CNTNAP4: variants seen among roughly 807,000 people sequenced by gnomAD.
CNTNAP4 encodes the protein contactin associated protein family member 4.
In CNTNAP4, 98 loss-of-function variants were observed where a neutral mutation model predicts 148.4. The observed-to-expected ratio is 0.66, with a 90% CI of 0.56 to 0.78. CNTNAP4 has a LOEUF of 0.78. Ranked by LOEUF, CNTNAP4 falls within the 30% of genes least tolerant of loss-of-function variation. CNTNAP4 has a pLI of 0.00. For synonymous variants in CNTNAP4, 730 were observed against 565.1 expected, an observed-to-expected ratio of 1.29 and a Z score of -4.14; for missense variants, 1,935 against 1,565.6, an observed-to-expected ratio of 1.24 and a Z score of -3.98.
In CNTNAP4 at chr16:76,488,248, G is replaced by A. The variant is rs77210724; in HGVS notation, c.1883-1438G>A. The stretch of plus-strand genomic sequence containing the variant: ...AGGGCACAAGATCCATGCCAGATCT[G>A]CAACTCAGATCTCTTAATTGACTTC... On this transcript the variant is annotated intron_variant, in intron 12 of 23. Transcript: ENST00000611870. 1.7e-3 allele frequency among the ~76,000 whole-genome samples: 266 copies of A among 152,230 alleles called. 4 individuals carry two copies. The East Asian group carries it at 0.048, about 27-fold the overall frequency.
At chr16:76,285,127 G>C (rs913747967) in intron 1 of CNTNAP4, among the ~76,000 whole-genome samples, 7 of 151,948 alleles carry the variant, frequency 4.6e-5, no homozygotes, top group African/African-American at 1.7e-4. Flanking sequence ...TGGAACATTG[G>C]TATTTGGAAG....
At chr16:76,417,118 T>A (rs1387645790) in intron 3 of CNTNAP4, among the ~76,000 whole-genome samples, 1 of 151,466 alleles carries the variant, frequency 6.6e-6, no homozygotes, top group African/African-American at 2.4e-5. Context: ...AATGTGGATT[T>A]CTTGTAGACA....
intron 3 of CNTNAP4, among the ~76,000 whole-genome samples, chr16:76,361,143 A>G (rs2013388668): frequency 6.6e-6 from 1 of 151,874 alleles, no homozygotes; most frequent in Non-Finnish European, 1.5e-5. Context: ...AATTGTGTTA[A>G]AAAAAAACTT....
At chr16:76,454,894 T>A (rs1247596792) in intron 8 of CNTNAP4, among the ~76,000 whole-genome samples, 1 of 152,190 alleles carries the variant, frequency 6.6e-6, no homozygotes, top group Non-Finnish European at 1.5e-5. Context: ...ATTTTACAAA[T>A]CTTATATGTT....
At chr16:76,540,009 G>A (rs943646427) in intron 20 of CNTNAP4, among the ~76,000 whole-genome samples, 157 bp downstream of exon 20, 2 of 152,042 alleles carry the variant, frequency 1.3e-5, no homozygotes, top group African/African-American at 4.8e-5. Flanking sequence ...ATTCTTTTAA[G>A]CAATAAGATT....
intron 3 of CNTNAP4, among the ~76,000 whole-genome samples, chr16:76,417,708 G>A (rs762667308): frequency 6.6e-6 from 1 of 151,430 alleles, no homozygotes; most frequent in Non-Finnish European, 1.5e-5. Context: ...CTTTCTCAAT[G>A]TAGATCCAGA....
At chr16:76,558,412 T>A in intron 23 of CNTNAP4, 78 bp from the exon 24 acceptor site, 1 of 772,790 alleles carries the variant, frequency 1.3e-6, no homozygotes, top group Non-Finnish European at 2.1e-6. Flanking sequence ...AGTGTTATGA[T>A]GACTTATTAA....
At chr16:76,527,990 T>C (rs2083812955) in intron 17 of CNTNAP4, among the ~76,000 whole-genome samples, 1 of 152,164 alleles carries the variant, frequency 6.6e-6, no homozygotes, top group Non-Finnish European at 1.5e-5. Flanking sequence ...GTAGTTTTGT[T>C]AAAAATGTAC....
intron 4 of CNTNAP4, among the ~76,000 whole-genome samples, chr16:76,432,744 T>A (rs1386972153): frequency 6.6e-6 from 1 of 152,222 alleles, no homozygotes; most frequent in African/African-American, 2.4e-5. Flanking sequence ...TTGTCCTTAG[T>A]GTAAATTCTA....
chr16:76,534,729 A>T (rs897566295), intron 17 of CNTNAP4, among the ~76,000 whole-genome samples: 1 of 152,150 alleles, frequency 6.6e-6, no homozygotes, highest in Non-Finnish European at 1.5e-5. Flanking sequence ...GGAGCAAGCT[A>T]CCGAGTCTAT....
intron 15 of CNTNAP4, among the ~76,000 whole-genome samples, chr16:76,515,192 G>T (rs2083198476): frequency 6.6e-6 from 1 of 152,114 alleles, no homozygotes; most frequent in South Asian, 2.1e-4. Flanking sequence ...CCACCTATCT[G>T]AGAAAGGACT....
chr16:76,439,890 C>G (rs2079970420), intron 4 of CNTNAP4, among the ~76,000 whole-genome samples: 2 of 152,106 alleles, frequency 1.3e-5, no homozygotes. Flanking sequence ...AGTACTTGGT[C>G]TCTCTTCTCC....
chr16:76,435,345 G>C (rs939591554), intron 4 of CNTNAP4, among the ~76,000 whole-genome samples: 3 of 152,128 alleles, frequency 2.0e-5, no homozygotes, highest in African/African-American at 7.2e-5. Context: ...GCCAATGCCA[G>C]AGCTCTATAC....
At chr16:76,551,360 A>C (rs887220411) in intron 21 of CNTNAP4, among the ~76,000 whole-genome samples, 1 of 151,066 alleles carries the variant, frequency 6.6e-6, no homozygotes, top group Non-Finnish European at 1.5e-5. Flanking sequence ...ATCGTGCCAC[A>C]TCACTCCAGC....
intron 8 of CNTNAP4, among the ~76,000 whole-genome samples, chr16:76,460,228 C>T (rs1305713759): frequency 2.0e-5 from 3 of 152,010 alleles, no homozygotes; most frequent in Non-Finnish European, 4.4e-5. Flanking sequence ...CTGCCTCAGC[C>T]TCCCCAGTAG....
Position 76,407,677 on chromosome 16 carries a change from T to C in CNTNAP4, c.391-19775T>C, listed in dbSNP as rs371831080. Among the ~76,000 whole-genome samples the C allele has an allele frequency of 1.3e-3, 198 of 152,222 alleles. 1 individual carries two copies. Among genetic ancestry groups the C allele is most frequent in the African/African-American group, 4.2e-3 (173 of 41,548 alleles). ...TTAATGGATGAGGAGTTGCTTCTTA[T>C]GAATGAGAGAAGAAAGTGGTTTCTT... On this transcript the variant is annotated intron_variant, in intron 3 of 23. Coordinates refer to ENST00000611870, the MANE Select transcript of CNTNAP4 (RefSeq NM_033401.5).
intron 4 of CNTNAP4, among the ~76,000 whole-genome samples, chr16:76,447,023 A>G (rs2080272876): frequency 6.6e-6 from 1 of 152,178 alleles, no homozygotes; most frequent in Admixed American, 6.5e-5. Flanking sequence ...AATATGAGAA[A>G]AAGGCCAGGC....
chr16:76,537,906 A>G (rs2084279890), intron 18 of CNTNAP4, among the ~76,000 whole-genome samples: 1 of 152,142 alleles, frequency 6.6e-6, no homozygotes, highest in Non-Finnish European at 1.5e-5. Flanking sequence ...AAATTATACT[A>G]GTGCATTAAT....
At chr16:76,371,066 T>A (rs547318894) in intron 3 of CNTNAP4, among the ~76,000 whole-genome samples, 87 of 152,290 alleles carry the variant, frequency 5.7e-4, no homozygotes, top group African/African-American at 2.0e-3. Context: ...CGACACTGAG[T>A]AAGTAGAGTG....
Sources: allele counts gnomAD v4.1 joint callset (sites outside exome capture counted in the v4.1 genomes callset), GRCh38; gene constraint gnomAD v4.1.1; transcripts MANE v1.5; gene names NCBI Gene and HGNC (gene_info 2026-07-23, HGNC 2026-07-21).